Variants in DNAI7 observed in about 807,000 individuals in gnomAD.
The protein encoded by DNAI7 is dynein axonemal intermediate chain 7.
DNAI7 carries 78 observed loss-of-function variants against 86.6 expected under a neutral mutation model. That is an observed-to-expected ratio of 0.90 (90% CI 0.75 to 1.09). DNAI7 has a LOEUF of 1.09. Ranked by LOEUF, DNAI7 falls within the 50% of genes least tolerant of loss-of-function variation. The probability of loss-of-function intolerance (pLI) is 0.00; values close to 1 mark genes in which losing one functional copy is unlikely to be tolerated. For synonymous variants in DNAI7, 274 were observed against 273.0 expected, an observed-to-expected ratio of 1.00 and a Z score of -0.04; for missense variants, 753 against 810.2, an observed-to-expected ratio of 0.93 and a Z score of 0.86.
chr12:25,134,379 C>A (rs532854813), intron 9 of DNAI7, among the ~76,000 whole-genome samples: 22 of 65,334 alleles, frequency 3.4e-4, no homozygotes, highest in Admixed American at 9.4e-4. Flanking sequence ...TTTTTTGAGA[C>A]AGAGTCTCAC....
At chr12:25,180,012 C>T (rs1259314909) in intron 2 of DNAI7, among the ~76,000 whole-genome samples, 1 of 152,160 alleles carries the variant, frequency 6.6e-6, no homozygotes, top group Non-Finnish European at 1.5e-5. Flanking sequence ...TCTTTGTTCA[C>T]TGACAACATG....
At chr12:25,174,619 T>C (rs1415728377) in intron 2 of DNAI7, among the ~76,000 whole-genome samples, 1 of 128,062 alleles carries the variant, frequency 7.8e-6, no homozygotes, top group East Asian at 2.1e-4. Flanking sequence ...ATATATCATA[T>C]ATATGGGATA....
downstream of DNAI7, chr12:25,107,672 A>T (rs1441886997): frequency 4.1e-6 from 3 of 725,108 alleles, no homozygotes; most frequent in African/African-American, 5.3e-5. Flanking sequence ...TGTTTCCAAA[A>T]CCAAAATGAT....
chr12:25,113,105 G>A (rs1592178287), intron 13 of DNAI7, among the ~76,000 whole-genome samples: 4 of 152,174 alleles, frequency 2.6e-5, no homozygotes, highest in Admixed American at 6.5e-5. Flanking sequence ...GGAGGCTCCA[G>A]CAATACAATC....
chr12:25,155,026 T>G (rs1945982221), intron 5 of DNAI7, among the ~76,000 whole-genome samples: 1 of 152,232 alleles, frequency 6.6e-6, no homozygotes, highest in African/African-American at 2.4e-5. Flanking sequence ...CTAGATTGCC[T>G]TAAGCACAAA....
At chr12:25,172,025 T>C (rs1032792355) in intron 2 of DNAI7, among the ~76,000 whole-genome samples, 1 of 152,068 alleles carries the variant, frequency 6.6e-6, no homozygotes, top group Non-Finnish European at 1.5e-5. Context: ...TAAAGAAACG[T>C]TGAAAGCATT....
Position 25,144,546 on chromosome 12 carries a change from G to A in DNAI7, c.821C>T (p.Thr274Ile), listed in dbSNP as rs775826390. The change falls in exon 9 of 16, where the codon ACA becomes ATA. Residue 274 changes from threonine to isoleucine, a missense_variant. Transcript: ENST00000395987. ...TGCAGAAGTGTATTCTTTTGATGGT[G>A]TTGAAACAGGGTGCAGTGCAGAAAC... ...DHVSALHPVS[T>I]PSKEYTSAVT... 1 of 1,614,084 alleles carries A rather than the reference G, an allele frequency of 6.2e-7. No homozygotes were observed. The highest frequency in any genetic ancestry group is 8.5e-7 in the Non-Finnish European group (1 of 1,180,000).
intron 9 of DNAI7, among the ~76,000 whole-genome samples, chr12:25,140,325 A>G (rs1041559649): frequency 1.3e-5 from 2 of 152,172 alleles, no homozygotes; most frequent in Non-Finnish European, 1.5e-5. Flanking sequence ...GCTCCTAGAT[A>G]TGATAAATGA....
At chr12:25,112,597 A>C (rs573647093) in intron 13 of DNAI7, among the ~76,000 whole-genome samples, 1 of 151,750 alleles carries the variant, frequency 6.6e-6, no homozygotes, top group South Asian at 2.1e-4. Context: ...TAGTAGAGAC[A>C]GGGTTTCACC....
chr12:25,134,210 G>T (rs959157671), intron 9 of DNAI7, among the ~76,000 whole-genome samples: 1 of 151,834 alleles, frequency 6.6e-6, no homozygotes, highest in Non-Finnish European at 1.5e-5. Context: ...TGCTCAGGCT[G>T]GTCTTGAACT....
chr12:25,111,736 G>A (rs780855224), intron 14 of DNAI7, 36 bp downstream of exon 14: 1 of 1,387,656 alleles, frequency 7.2e-7, no homozygotes, highest in Non-Finnish European at 9.8e-7. Flanking sequence ...CATTTTAAAT[G>A]CACGCCACAT....
At chr12:25,107,814 T>C (rs1189741313), downstream of DNAI7, 6 of 1,609,514 alleles carry the variant, frequency 3.7e-6, no homozygotes, top group Admixed American at 1.7e-5. Flanking sequence ...GTTTTCCTTA[T>C]AGTTATGACA....
chr12:25,130,236 A>G (rs1197739442), intron 9 of DNAI7, among the ~76,000 whole-genome samples: 1 of 152,200 alleles, frequency 6.6e-6, no homozygotes, highest in Non-Finnish European at 1.5e-5. Flanking sequence ...TATACATTAC[A>G]TATATAAAAT....
At chr12:25,151,188 G>A (rs4246226) in intron 6 of DNAI7, among the ~76,000 whole-genome samples, 104,147 of 152,154 alleles carry the variant, frequency 0.68, 39,685 homozygotes, top group East Asian at 0.99. Context: ...AACTAGCAGT[G>A]GGGTCTTGGG....
intron 12 of DNAI7, among the ~76,000 whole-genome samples, chr12:25,116,518 T>C (rs201308685): frequency 1.5e-5 from 1 of 66,132 alleles, no homozygotes; most frequent in Non-Finnish European, 4.8e-5. Flanking sequence ...TAATTTTTTT[T>C]TTCAGAGTTT....
At position 25,127,288 on chromosome 12, in the gene DNAI7, A is replaced by ATAT. The variant is rs1757945983; in HGVS notation, c.1003-4005_1003-4003dup. 2.0e-5 allele frequency among the ~76,000 whole-genome samples: 3 copies of ATAT among 152,152 alleles called. No homozygotes were observed. The South Asian group carries it at 6.2e-4, about 32-fold the overall frequency. On this transcript the variant is annotated intron_variant, in intron 9 of 15. Coordinates refer to ENST00000395987, the MANE Select transcript of DNAI7 (RefSeq NM_018272.5). ...TACAGGTATAATGTATAAGCTTTAT[A>ATAT]TATAATAATAATAATAAACTCCTTG... is the stretch of plus-strand genomic sequence containing the variant.
intron 2 of DNAI7, among the ~76,000 whole-genome samples, chr12:25,169,108 T>C (rs1947835621): frequency 6.6e-6 from 1 of 152,206 alleles, no homozygotes; most frequent in African/African-American, 2.4e-5. Flanking sequence ...GACAGGAATG[T>C]CAGGCCTCTG....
chr12:25,154,497 T>C (rs1339711025), intron 5 of DNAI7, 41 bp from the exon 6 acceptor site: 1 of 1,572,710 alleles, frequency 6.4e-7, no homozygotes, highest in Admixed American at 2.2e-5. Flanking sequence ...TTGATGAAGA[T>C]TCAACCAAAG....
intron 2 of DNAI7, among the ~76,000 whole-genome samples, chr12:25,189,860 G>A (rs905632213): frequency 1.3e-5 from 2 of 151,962 alleles, no homozygotes; most frequent in Admixed American, 1.3e-4. Flanking sequence ...TCCTAAAAGG[G>A]GTAGCTGTTA....
Sources: allele counts gnomAD v4.1 joint callset (sites outside exome capture counted in the v4.1 genomes callset), GRCh38; gene constraint gnomAD v4.1.1; transcripts MANE v1.5; gene names NCBI Gene and HGNC (gene_info 2026-07-23, HGNC 2026-07-21).